RHOQ: variants seen among roughly 807,000 people sequenced by gnomAD.
RHOQ encodes rho-related GTP-binding protein RhoQ.
Under a neutral mutation model 25.8 loss-of-function variants are expected in RHOQ, and 7 were observed. The observed-to-expected ratio is 0.27, with a 90% confidence interval of 0.15 to 0.51. The LOEUF (loss-of-function observed/expected upper bound fraction) is 0.51. Among genes scored for constraint, RHOQ ranks in the 20% least tolerant of loss-of-function variants. The probability of loss-of-function intolerance (pLI) is 0.97; values close to 1 mark genes in which losing one functional copy is unlikely to be tolerated. For missense variants in RHOQ, 165 were observed against 260.6 expected (o/e 0.63, Z 2.53); for synonymous variants, 97 against 98.6 (o/e 0.98, Z 0.10).
chr2:46,558,895 T>C (rs1324863812), intron 2 of RHOQ, among the ~76,000 whole-genome samples: 2 of 152,194 alleles, frequency 1.3e-5, no homozygotes, highest in Non-Finnish European at 1.5e-5. Flanking sequence ...ATTTTTAAAG[T>C]GCCTTTTCCT....
chr2:46,543,206 T>G lies in RHOQ; in HGVS notation c.142+18T>G. On this transcript the variant is annotated intron_variant, in intron 1 of 4. Coordinates refer to ENST00000238738, the MANE Select transcript of RHOQ (RefSeq NM_012249.4). Reference sequence around the variant, plus strand: ...CTACGCAGGTAAGCCTCGGAACTGCTGACTAAGGGGCCGCTCCCCGGGCCG... The same window carrying G: ...CTACGCAGGTAAGCCTCGGAACTGCGGACTAAGGGGCCGCTCCCCGGGCCG... The G allele has an allele frequency of 6.2e-7, 1 of 1,610,596 alleles. No individual in the cohort carries two copies.
Position 46,581,906 on chromosome 2 carries a change from T to A in RHOQ, c.*823T>A, listed in dbSNP as rs1398442370. On this transcript the variant is annotated 3_prime_UTR_variant, in exon 5 of 5. Transcript: ENST00000238738. The stretch of plus-strand genomic sequence containing the variant: ...GCCATAATGATAGACTCAATTTAGC[T>A]CTCTGAACTAGTTGGTAATTTTTTT... 2.2e-5 allele frequency: 5 copies of A among 225,960 alleles called. No homozygotes were observed. The highest frequency in any genetic ancestry group is 4.4e-5 in the Non-Finnish European group (5 of 113,174). 14.0% of individuals were successfully genotyped at this position (225,960 alleles called of 1,614,324 possible).
In RHOQ at chr2:46,569,418, G is replaced by A. The variant is rs967983278; in HGVS notation, c.202-6669G>A. 4 of 152,238 alleles carry A rather than the reference G, an allele frequency of 2.6e-5. No individual in the cohort carries two copies. The highest frequency in any genetic ancestry group is 7.2e-5 in the African/African-American group (3 of 41,462). 9.4% of individuals were successfully genotyped at this position (152,238 alleles called of 1,614,324 possible). Reference sequence around the variant, plus strand: ...TTAGTTTGAGTGTTTTTCATCATGTGACGTGGCGGTCTTCTAGTTCAGGGC... The same window carrying A: ...TTAGTTTGAGTGTTTTTCATCATGTAACGTGGCGGTCTTCTAGTTCAGGGC... On this transcript the variant is annotated intron_variant, in intron 2 of 4. Coordinates refer to ENST00000238738, the MANE Select transcript of RHOQ (RefSeq NM_012249.4). The surrounding 1 kb of genome is among the most constrained non-coding windows in gnomAD (Gnocchi z 4.1).
chr2:46,580,158 C>G (rs1669300336), intron 4 of RHOQ: 1 of 152,608 alleles, frequency 6.6e-6, no homozygotes, highest in Admixed American at 6.5e-5. Context: ...GTCCCCAGCT[C>G]AGACTAAACG....
At chr2:46,544,727 TC>T (rs1224721671) in intron 2 of RHOQ, among the ~76,000 whole-genome samples, 1 of 152,240 alleles carries the variant, frequency 6.6e-6, no homozygotes, top group Non-Finnish European at 1.5e-5. Context: ...GGCAGAAGTT[TC>T]CACATGTCAT....
chr2:46,572,730 G>A (rs1325529539), intron 2 of RHOQ: 4 of 451,108 alleles, frequency 8.9e-6, no homozygotes, highest in Non-Finnish European at 1.8e-5. Flanking sequence ...TTAATTAGGA[G>A]GACACTGGAG....
chr2:46,579,129 T>C (rs1267674273), intron 4 of RHOQ, among the ~76,000 whole-genome samples: 1 of 152,240 alleles, frequency 6.6e-6, no homozygotes, highest in Non-Finnish European at 1.5e-5. Flanking sequence ...AAAAAAGTAG[T>C]TGCAAAACAG....
At position 46,583,536 on chromosome 2, in the gene RHOQ, T is replaced by C. The variant is rs1239511732; in HGVS notation, c.*2453T>C. Among the ~76,000 whole-genome samples, 3 of 151,992 alleles carry C rather than the reference T, an allele frequency of 2.0e-5. No individual in the cohort carries two copies. The highest frequency in any genetic ancestry group is 2.4e-5 in the African/African-American group (1 of 41,410). On this transcript the variant is annotated 3_prime_UTR_variant, in exon 5 of 5. Transcript: ENST00000238738. ...TCTACTGACCTTGATGGGTTTGGAG[T>C]TCCCCATTGCTTATCAAGAGCTTTT...
chr2:46,564,868 G>C (rs752085116), intron 2 of RHOQ, among the ~76,000 whole-genome samples: 10 of 152,234 alleles, frequency 6.6e-5, no homozygotes, highest in Non-Finnish European at 7.3e-5. Context: ...GCTAGTCCTG[G>C]AGATAAGTAA....
Position 46,572,581 on chromosome 2 carries a change from T to C in RHOQ, c.202-3506T>C, listed in dbSNP as rs145624417. 2.3e-3 allele frequency: 721 copies of C among 309,052 alleles called. 4 individuals are homozygous for C. Among genetic ancestry groups the C allele is most frequent in the African/African-American group, 0.014 (656 of 46,064 alleles). The allele number at this position is 309,052 out of a possible 1,614,324, so 19.1% of individuals were successfully genotyped here. ...AGTCCAACAGCCATGCTGACTAAAC[T>C]CACCAGTTCTTTCATTGTTTTGATG... On this transcript the variant is annotated intron_variant, in intron 2 of 4. Transcript: ENST00000238738.
Position 46,581,487 on chromosome 2 carries a change from C to T in RHOQ, c.*404C>T, listed in dbSNP as rs376861542. On this transcript the variant is annotated 3_prime_UTR_variant, in exon 5 of 5. Transcript: ENST00000238738. ...TCTCCCTTTGCTCCAGTTAATTGTTCTTGTATGTAAGTTGCTTTCTATTCC... is the reference window on the plus strand; with the variant it reads ...TCTCCCTTTGCTCCAGTTAATTGTTTTTGTATGTAAGTTGCTTTCTATTCC... The T allele has an allele frequency of 4.0e-5, 64 of 1,610,880 alleles. No individual in the cohort carries two copies. The Middle Eastern group carries it at 9.0e-4, about 23-fold the overall frequency.
At chr2:46,546,451 C>CATATATATATATATATATGTGT (rs1668047022) in intron 2 of RHOQ, among the ~76,000 whole-genome samples, 1 of 47,128 alleles carries the variant, frequency 2.1e-5, no homozygotes, top group Non-Finnish European at 4.3e-5. Flanking sequence ...TACACATATA[C>CATATATATATATATATATGTGT]ATATATATAT....
intron 2 of RHOQ, among the ~76,000 whole-genome samples, chr2:46,545,268 C>A (rs182907769): frequency 8.4e-4 from 128 of 152,222 alleles, no homozygotes; most frequent in African/African-American, 2.9e-3. Context: ...ACTTTTAAGT[C>A]GTATTATTGA....
rs192379142 is a variant in RHOQ at position 46,580,909 on chromosome 2, T to A, written c.463-19T>A. The A allele has an allele frequency of 9.6e-6, 14 of 1,455,674 alleles. No individual in the cohort carries two copies. Among genetic ancestry groups the A allele is most frequent in the African/African-American group, 1.5e-5 (1 of 68,926 alleles). 90.2% of individuals were successfully genotyped at this position (1,455,674 alleles called of 1,614,324 possible). On this transcript the variant is annotated intron_variant, in intron 4 of 4. Transcript: ENST00000238738. ...TAAACATGATCTTATATATTTGTGA[T>A]TTTTTTTCTCCCTCCCAGATAGGAG...
intron 2 of RHOQ, among the ~76,000 whole-genome samples, chr2:46,572,973 G>C (rs1045025295): frequency 6.6e-6 from 1 of 152,124 alleles, no homozygotes; most frequent in African/African-American, 2.4e-5. Flanking sequence ...GTATGCACAG[G>C]GGATAATTTA....
Position 46,548,457 on chromosome 2 carries a change from C to T in RHOQ, c.201+4645C>T, listed in dbSNP as rs535556130. ...ACCTCCAGGCAAGTCATCCTCACAA[C>T]ACCCTTCAAGGTAGACTTCTCCCAG... On this transcript the variant is annotated intron_variant, in intron 2 of 4. Coordinates refer to ENST00000238738, the MANE Select transcript of RHOQ (RefSeq NM_012249.4). The surrounding 1 kb of genome is among the most constrained non-coding windows in gnomAD (Gnocchi z 5.2). 2.0e-5 allele frequency among the ~76,000 whole-genome samples: 3 copies of T among 152,378 alleles called. No individual in the cohort carries two copies. The highest frequency in any genetic ancestry group is 4.8e-5 in the African/African-American group (2 of 41,588).
intron 2 of RHOQ, among the ~76,000 whole-genome samples, chr2:46,553,706 A>T (rs1378233131): frequency 6.6e-6 from 1 of 151,908 alleles, no homozygotes; most frequent in Non-Finnish European, 1.5e-5. Flanking sequence ...CAGCCTCCCA[A>T]GTAGCTGGGA....
At chr2:46,564,871 A>G (rs901878553) in intron 2 of RHOQ, among the ~76,000 whole-genome samples, 2 of 152,204 alleles carry the variant, frequency 1.3e-5, no homozygotes, top group African/African-American at 4.8e-5. Flanking sequence ...AGTCCTGGAG[A>G]TAAGTAAGAG....
In RHOQ at chr2:46,576,704, G is replaced by A. The variant is rs754094245; in HGVS notation, c.462+48G>A. 4 of 1,249,358 alleles carry A rather than the reference G, an allele frequency of 3.2e-6. No individual in the cohort carries two copies. The South Asian group carries it at 5.1e-5, about 16-fold the overall frequency. 77.4% of individuals were successfully genotyped at this position (1,249,358 alleles called of 1,614,324 possible). A position where few individuals can be genotyped will look rare whatever the true frequency, so the allele number is the denominator to read the frequency against. On this transcript the variant is annotated intron_variant, in intron 4 of 4. Coordinates refer to ENST00000238738, the MANE Select transcript of RHOQ (RefSeq NM_012249.4). This position sits in a 1 kb window ranked among gnomAD's most constrained non-coding sequence, Gnocchi z 5.1. ...TAAGCATGAATGTAAAAGATGCTAA[G>A]ATAACAATAGAAGCTAATTTTATTG...
Sources: gnomAD v4.1 joint callset for allele counts (sites outside exome capture counted in the v4.1 genomes callset) on GRCh38, gnomAD v4.1.1 for gene constraint, Gnocchi (gnomAD v3.1) non-coding constraint, MANE v1.5 for transcripts, NCBI Gene and HGNC (gene_info 2026-07-23, HGNC 2026-07-21) for gene names.